The following VPS13B variants were observed in gnomAD, a reference collection of about 807,000 sequenced individuals.
VPS13B encodes intermembrane lipid transfer protein VPS13B.
VPS13B carries 285 observed loss-of-function variants against 426.4 expected under a neutral mutation model. The observed-to-expected ratio is 0.67, with a 90% CI of 0.61 to 0.74. The LOEUF (loss-of-function observed/expected upper bound fraction) is 0.74, where lower values mean the gene tolerates loss of function less well. Among genes scored for constraint, VPS13B ranks in the 30% least tolerant of loss-of-function variants. The probability of loss-of-function intolerance (pLI) is 0.00; values close to 1 mark genes in which losing one functional copy is unlikely to be tolerated. For missense variants in VPS13B, 4,537 were observed against 4,782.6 expected (o/e 0.95, Z 1.51); for synonymous variants, 1,676 against 1,676.4 (o/e 1.00, Z 0.01).
intron 40 of VPS13B, among the ~76,000 whole-genome samples, chr8:99,767,236 A>T (rs1446903552): frequency 2.0e-5 from 3 of 152,220 alleles, no homozygotes; most frequent in East Asian, 3.9e-4. Context: ...AAAATGGAAA[A>T]AAGCAAGTTA....
At chr8:99,833,810 A>G (rs904879219) in intron 52 of VPS13B, among the ~76,000 whole-genome samples, 1 of 152,250 alleles carries the variant, frequency 6.6e-6, no homozygotes, top group African/African-American at 2.4e-5. Flanking sequence ...TAGATATTGG[A>G]CAGAAAGTAC....
intron 19 of VPS13B, among the ~76,000 whole-genome samples, chr8:99,381,196 G>A (rs539758143): frequency 6.6e-6 from 1 of 152,208 alleles, no homozygotes; most frequent in East Asian, 1.9e-4. Context: ...AAGGATAATG[G>A]CCTCCAGCTT....
chr8:99,681,922 A>G (rs1251150146), intron 35 of VPS13B, among the ~76,000 whole-genome samples: 1 of 152,150 alleles, frequency 6.6e-6, no homozygotes, highest in Non-Finnish European at 1.5e-5. Flanking sequence ...TTACCAATCC[A>G]CTGGTCTGAG....
At chr8:99,019,117 T>C (rs1841759680) in intron 2 of VPS13B, among the ~76,000 whole-genome samples, 1 of 152,090 alleles carries the variant, frequency 6.6e-6, no homozygotes, top group Non-Finnish European at 1.5e-5. Flanking sequence ...CTTTTTATAA[T>C]CTCTAACAGT....
chr8:99,251,973 TAG>T (rs900827990), intron 17 of VPS13B, among the ~76,000 whole-genome samples: 113 of 151,798 alleles, frequency 7.4e-4, no homozygotes, highest in African/African-American at 2.6e-3. Flanking sequence ...TCTTTCTTAT[TAG>T]AGTTTTTTCA....
At chr8:99,018,398 C>CA (rs923287729) in intron 2 of VPS13B, among the ~76,000 whole-genome samples, 25 of 152,008 alleles carry the variant, frequency 1.6e-4, no homozygotes, top group African/African-American at 5.1e-4. Flanking sequence ...AAAGCAAACA[C>CA]AAAAAAACCT....
intron 31 of VPS13B, among the ~76,000 whole-genome samples, chr8:99,563,685 G>C (rs1326956485): frequency 6.6e-6 from 1 of 152,168 alleles, no homozygotes; most frequent in Non-Finnish European, 1.5e-5. Flanking sequence ...GAGGCTAGAA[G>C]TATGAAAGTG....
intron 3 of VPS13B, 83 bp downstream of exon 3, chr8:99,038,649 C>A: frequency 1.3e-5 from 11 of 821,494 alleles, no homozygotes; most frequent in Non-Finnish European, 2.1e-5. Flanking sequence ...AATATGCCAA[C>A]TGTTACATAA....
intron 22 of VPS13B, among the ~76,000 whole-genome samples, chr8:99,436,905 A>AT (rs1418879207): frequency 1.3e-5 from 2 of 151,720 alleles, no homozygotes; most frequent in East Asian, 3.9e-4. Context: ...TGCCCAGCTA[A>AT]TTTTTTTGTA....
At chr8:99,191,807 A>G (rs1813610529) in intron 16 of VPS13B, among the ~76,000 whole-genome samples, 1 of 152,150 alleles carries the variant, frequency 6.6e-6, no homozygotes, top group South Asian at 2.1e-4. Flanking sequence ...TATGATTGCA[A>G]AGTAGTTTGC....
At chr8:99,596,859 A>G (rs774637867) in intron 33 of VPS13B, among the ~76,000 whole-genome samples, 25 of 152,122 alleles carry the variant, frequency 1.6e-4, no homozygotes, top group African/African-American at 4.1e-4. Context: ...TTATTCTACT[A>G]TGAAAGTAGG....
At chr8:99,848,487 CAG>C (rs1297211462) in intron 54 of VPS13B, among the ~76,000 whole-genome samples, 2 of 152,164 alleles carry the variant, frequency 1.3e-5, no homozygotes, top group African/African-American at 4.8e-5. Flanking sequence ...CCAGCCCACA[CAG>C]AGTTACTTGC....
At chr8:99,470,702 G>A (rs771742532) in intron 24 of VPS13B, among the ~76,000 whole-genome samples, 11 of 149,102 alleles carry the variant, frequency 7.4e-5, no homozygotes, top group Non-Finnish European at 1.6e-4. Context: ...AGAAGGAGAG[G>A]ATAAAAGGAT....
intron 19 of VPS13B, among the ~76,000 whole-genome samples, chr8:99,337,532 G>GA (rs1016412306): frequency 4.3e-4 from 61 of 143,510 alleles, no homozygotes; most frequent in African/African-American, 4.1e-4. Context: ...TTCCTAAGGG[G>GA]AAAAAAAAAA....
intron 39 of VPS13B, among the ~76,000 whole-genome samples, chr8:99,723,669 T>TC (rs1446451562): frequency 6.6e-6 from 1 of 151,380 alleles, no homozygotes; most frequent in Non-Finnish European, 1.5e-5. Context: ...GATCAGAGAG[T>TC]CCCAGGGACC....
At chr8:99,575,844 G>A (rs1228533716) in intron 32 of VPS13B, 60 bp downstream of exon 32, 1 of 1,551,986 alleles carries the variant, frequency 6.4e-7, no homozygotes, top group Admixed American at 1.7e-5. Flanking sequence ...CTCTTTGTAT[G>A]TTAGGGATTG....
At chr8:99,529,608 G>C (rs1701413070) in intron 30 of VPS13B, among the ~76,000 whole-genome samples, 1 of 152,248 alleles carries the variant, frequency 6.6e-6, no homozygotes, top group East Asian at 1.9e-4. Flanking sequence ...CCGTGAAATA[G>C]TTACCAGGGC....
chr8:99,865,177 C>A (rs1345018174), intron 58 of VPS13B, among the ~76,000 whole-genome samples: 1 of 152,162 alleles, frequency 6.6e-6, no homozygotes, highest in Non-Finnish European at 1.5e-5. Context: ...GTTTAGCCTG[C>A]AGTATTGGCA....
chr8:99,299,561 T>C (rs1201656127), intron 19 of VPS13B, among the ~76,000 whole-genome samples: 1 of 152,128 alleles, frequency 6.6e-6, no homozygotes, highest in Non-Finnish European at 1.5e-5. Flanking sequence ...GTTTTTTTAT[T>C]GTTGCACCAT....
Sources: allele counts gnomAD v4.1 joint callset (sites outside exome capture counted in the v4.1 genomes callset), GRCh38; gene constraint gnomAD v4.1.1; transcripts MANE v1.5; gene names NCBI Gene and HGNC (gene_info 2026-07-23, HGNC 2026-07-21).